FCHSD2: variants seen among roughly 807,000 people sequenced by gnomAD.
FCHSD2 encodes the protein F-BAR and double SH3 domains protein 2.
FCHSD2 carries 38 observed loss-of-function variants against 108.1 expected under a neutral mutation model. The ratio of observed to expected loss-of-function variants is 0.35; its 90% confidence interval spans 0.27 to 0.46. The LOEUF (loss-of-function observed/expected upper bound fraction) is 0.46. FCHSD2 is among the 20% of genes least tolerant of loss of function. FCHSD2 has a pLI of 1.00. For synonymous variants in FCHSD2, 279 were observed against 314.7 expected, an observed-to-expected ratio of 0.89 and a Z score of 1.20; for missense variants, 751 against 897.8, an observed-to-expected ratio of 0.84 and a Z score of 2.09.
At chr11:72,981,812 C>A (rs989784187) in intron 8 of FCHSD2, among the ~76,000 whole-genome samples, 1 of 152,032 alleles carries the variant, frequency 6.6e-6, no homozygotes, top group South Asian at 2.1e-4. Context: ...CACGCCTCTG[C>A]GAAAATAAAA....
intron 2 of FCHSD2, among the ~76,000 whole-genome samples, chr11:73,133,283 A>G (rs1861046383): frequency 6.6e-6 from 1 of 152,240 alleles, no homozygotes; most frequent in Non-Finnish European, 1.5e-5. Flanking sequence ...TATCCAAAAG[A>G]AAAACATATA....
chr11:72,992,560 A>AT (rs1375093683), intron 5 of FCHSD2, among the ~76,000 whole-genome samples: 2 of 152,202 alleles, frequency 1.3e-5, no homozygotes, highest in Non-Finnish European at 2.9e-5. Context: ...CAAAACAGAG[A>AT]TATAGACCAA....
intron 2 of FCHSD2, among the ~76,000 whole-genome samples, chr11:73,090,416 G>A (rs1222959458): frequency 6.6e-6 from 1 of 151,786 alleles, no homozygotes; most frequent in African/African-American, 2.4e-5. Context: ...TAGTAGAGAC[G>A]GGGTTTCACC....
At chr11:72,944,492 G>C (rs1249085684) in intron 8 of FCHSD2, among the ~76,000 whole-genome samples, 1 of 152,148 alleles carries the variant, frequency 6.6e-6, no homozygotes, top group African/African-American at 2.4e-5. Flanking sequence ...ACTGGCACAA[G>C]ACAGGGATGC....
intron 8 of FCHSD2, among the ~76,000 whole-genome samples, chr11:72,936,021 T>C (rs1250972348): frequency 6.6e-6 from 1 of 152,226 alleles, no homozygotes; most frequent in African/African-American, 2.4e-5. Flanking sequence ...TCTCAAAACA[T>C]CATGGGCAAC....
rs551270948 is a variant in FCHSD2 at position 73,097,386 on chromosome 11, T to A, written c.120-13646A>T. On this transcript the variant is annotated intron_variant, in intron 2 of 19. Transcript: ENST00000409418. ...TGTTTGGTTTATTTTATTTATTTAT[T>A]TTTTTTTTTTGCATCTCTCTTCACA... Among the ~76,000 whole-genome samples the A allele has an allele frequency of 7.4e-5, 11 of 148,178 alleles. No homozygotes were observed. In the South Asian group the frequency reaches 1.9e-3, roughly 26 times the overall value.
chr11:72,984,365 A>G, intron 7 of FCHSD2, 149 bp from the exon 8 acceptor site: 1 of 645,442 alleles, frequency 1.5e-6, no homozygotes, highest in African/African-American at 1.8e-5. Flanking sequence ...TATAAAAATT[A>G]TTCATCACTA....
intron 2 of FCHSD2, among the ~76,000 whole-genome samples, chr11:73,127,094 G>A (rs1860876871): frequency 6.6e-6 from 1 of 152,120 alleles, no homozygotes; most frequent in South Asian, 2.1e-4. Context: ...TCACCAGTAA[G>A]AGGAAAAACA....
chr11:72,892,534 C>T (rs933865156), intron 10 of FCHSD2, among the ~76,000 whole-genome samples: 5 of 152,124 alleles, frequency 3.3e-5, no homozygotes, highest in African/African-American at 1.2e-4. Flanking sequence ...GTTCCAATAC[C>T]ACCTTCACTA....
In FCHSD2 at chr11:72,843,545, A is replaced by G. The variant is rs1202801259; in HGVS notation, c.1444-13T>C. On this transcript the variant is annotated splice_polypyrimidine_tract_variant and intron_variant, in intron 14 of 19. Coordinates refer to ENST00000409418, the MANE Select transcript of FCHSD2 (RefSeq NM_014824.3). ...CTGGTTGAGAAGCCTGCAGTGTAGG[A>G]TGGTCATGGACAAAATTAAAAAGGT... is the stretch of plus-strand genomic sequence containing the variant. The G allele has an allele frequency of 6.2e-7, 1 of 1,601,998 alleles. No homozygotes were observed. Among genetic ancestry groups the G allele is most frequent in the Admixed American group, 1.7e-5 (1 of 59,956 alleles).
At chr11:72,896,580 G>A (rs1222089142) in intron 10 of FCHSD2, among the ~76,000 whole-genome samples, 4 of 151,880 alleles carry the variant, frequency 2.6e-5, no homozygotes, top group Non-Finnish European at 5.9e-5. Flanking sequence ...CAAGAAGGCC[G>A]TTGATGAGAT....
intron 9 of FCHSD2, among the ~76,000 whole-genome samples, chr11:72,903,391 G>T (rs2135276149): frequency 6.6e-6 from 1 of 151,978 alleles, no homozygotes; most frequent in South Asian, 2.1e-4. Context: ...TAATTTTTTT[G>T]TATTTTTTTA....
chr11:73,076,527 G>A (rs912874991), intron 3 of FCHSD2, among the ~76,000 whole-genome samples: 2 of 152,074 alleles, frequency 1.3e-5, no homozygotes, highest in African/African-American at 4.8e-5. Flanking sequence ...GGTTACTTTG[G>A]GCTCAGGATA....
chr11:72,888,623 CTT>C (rs879265264), intron 11 of FCHSD2, among the ~76,000 whole-genome samples: 14 of 144,490 alleles, frequency 9.7e-5, no homozygotes, highest in Admixed American at 1.4e-4. Flanking sequence ...TTCTTTCTTT[CTT>C]TTTTTTTTTT....
chr11:73,052,281 G>A (rs979519441), intron 3 of FCHSD2, among the ~76,000 whole-genome samples: 6 of 152,154 alleles, frequency 3.9e-5, no homozygotes, highest in South Asian at 2.1e-4. Flanking sequence ...TTTGTGTAAC[G>A]GTATATTCTG....
chr11:72,907,950 T>C (rs1855669944), intron 9 of FCHSD2, among the ~76,000 whole-genome samples: 1 of 152,186 alleles, frequency 6.6e-6, no homozygotes, highest in South Asian at 2.1e-4. Flanking sequence ...CCTTATTGTG[T>C]CATCGAATAT....
rs1253637582 is a variant in FCHSD2, at chr11:72,838,869, C to T, written c.2145G>A (p.Arg715=). 3.1e-6 allele frequency: 5 copies of T among 1,599,720 alleles called. No individual in the cohort carries two copies. In the South Asian group the frequency reaches 3.4e-5, roughly 11 times the overall value. ...ETSYGKLRPV[R]AAPPPPTQNH... is the part of the protein sequence containing the mutation. Reference sequence around the variant, plus strand: ...TCTGTGTAGGTGGAGGGGGAGCTGCCCGGACCTGAGCAGGAAACAATTACG... The same window carrying T: ...TCTGTGTAGGTGGAGGGGGAGCTGCTCGGACCTGAGCAGGAAACAATTACG... The change falls in exon 20 of 20, where the codon CGG becomes CGA. Residue 715 remains arginine (R), a synonymous_variant. Transcript: ENST00000409418.
chr11:72,918,238 TTTATC>T (rs749504440), intron 9 of FCHSD2, among the ~76,000 whole-genome samples: 19 of 152,336 alleles, frequency 1.2e-4, no homozygotes, highest in Non-Finnish European at 2.6e-4. Context: ...TTTTTGTGTT[TTTATC>T]TTATATGTTG....
At chr11:72,901,329 G>C (rs1032824993) in intron 10 of FCHSD2, among the ~76,000 whole-genome samples, 5 of 152,040 alleles carry the variant, frequency 3.3e-5, no homozygotes, top group East Asian at 1.9e-4. Context: ...CCCAGGAGAG[G>C]GGGGCTGTAG....
Sources: gnomAD v4.1 joint callset for allele counts (sites outside exome capture counted in the v4.1 genomes callset) on GRCh38, gnomAD v4.1.1 for gene constraint, MANE v1.5 for transcripts, NCBI Gene and HGNC (gene_info 2026-07-23, HGNC 2026-07-21) for gene names.